The following PLS1 variants were observed in gnomAD, a reference collection of about 807,000 sequenced individuals.
PLS1 encodes plastin-1.
PLS1 carries 32 observed loss-of-function variants against 73.7 expected under a neutral mutation model. The ratio of observed to expected loss-of-function variants is 0.43; its 90% confidence interval spans 0.33 to 0.58. The LOEUF (loss-of-function observed/expected upper bound fraction) is 0.58. PLS1 is among the 20% of genes least tolerant of loss of function. The pLI is 0.04. For synonymous variants in PLS1, 217 were observed against 261.3 expected (o/e 0.83, Z 1.63); for missense variants, 633 against 740.5 (o/e 0.85, Z 1.68).
In PLS1 at chr3:142,689,552, A is replaced by G. The variant is rs1577896276; in HGVS notation, c.982-66A>G. On this transcript the variant is annotated intron_variant, in intron 9 of 15. Coordinates refer to ENST00000457734, the MANE Select transcript of PLS1 (RefSeq NM_001145319.2). ...TGTGGAAAAGTAATTGCTTATAAAC[A>G]TGTATACCAATAAAAATTATGCCAA... 4.6e-6 allele frequency: 4 copies of G among 867,098 alleles called. No individual in the cohort carries two copies. The South Asian group carries it at 7.0e-5, about 15-fold the overall frequency. The allele number at this position is 867,098 out of a possible 1,614,324, so 53.7% of individuals were successfully genotyped here.
At chr3:142,648,684 T>C (rs1450651951) in intron 1 of PLS1, among the ~76,000 whole-genome samples, 2 of 152,242 alleles carry the variant, frequency 1.3e-5, no homozygotes, top group Admixed American at 6.5e-5. Context: ...TTTGAGAAGC[T>C]GTACCTATGT....
rs894756052 is a variant in PLS1 at position 142,711,937 on chromosome 3, A to G, written c.1820A>G (p.Glu607Gly). 5.0e-6 allele frequency: 8 copies of G among 1,613,284 alleles called. No homozygotes were observed. Among genetic ancestry groups the G allele is most frequent in the Non-Finnish European group, 6.8e-6 (8 of 1,179,366 alleles). The change falls in exon 16 of 16, where the codon GAA (glutamate) becomes GGA (glycine). Residue 607 changes from glutamate (E) to glycine (G), a missense_variant. By Grantham distance (98) the Glu-to-Gly change is moderately conservative. Coordinates refer to ENST00000457734, the MANE Select transcript of PLS1 (RefSeq NM_001145319.2). ...TATGCATTACCTGATGACCTCGTAG[A>G]AGTGAAACCAAAGATGGTTATGACG... Reference protein sequence around the residue: ...RIYALPDDLVEVKPKMVMTVF... With the variant: ...RIYALPDDLVGVKPKMVMTVF...
At chr3:142,698,256 C>T (rs2038253029) in intron 12 of PLS1, 189 bp downstream of exon 12, 1 of 466,068 alleles carries the variant, frequency 2.1e-6, no homozygotes, top group East Asian at 3.6e-5. Flanking sequence ...TCTAGTCAGA[C>T]ACTTTATATA....
chr3:142,633,750 G>A lies in PLS1; in HGVS notation c.-36-30452G>A, dbSNP rs559400651. Among the ~76,000 whole-genome samples the A allele has an allele frequency of 4.6e-5, 7 of 152,212 alleles. No individual in the cohort carries two copies. In the South Asian group the frequency reaches 1.5e-3, roughly 32 times the overall value. ...TTTACCACAATAAAAAAAGTTATAG[G>A]AATATAAAACTGTTACCCAACAAAG... On this transcript the variant is annotated intron_variant, in intron 1 of 15. Transcript: ENST00000457734.
intron 1 of PLS1, among the ~76,000 whole-genome samples, chr3:142,607,201 A>G (rs1426884484): frequency 3.9e-5 from 6 of 152,242 alleles, no homozygotes; most frequent in Non-Finnish European, 8.8e-5. Flanking sequence ...GAACTGTTTC[A>G]AATTTACAAA....
intron 6 of PLS1, among the ~76,000 whole-genome samples, chr3:142,680,698 A>C (rs1035757374): frequency 2.0e-5 from 3 of 152,282 alleles, no homozygotes; most frequent in East Asian, 3.9e-4. Context: ...CAATGAGTGG[A>C]TATTAATATT....
intron 6 of PLS1, among the ~76,000 whole-genome samples, chr3:142,680,489 A>T (rs1156723464): frequency 2.0e-5 from 3 of 152,232 alleles, no homozygotes; most frequent in Non-Finnish European, 2.9e-5. Flanking sequence ...TAATTGTTGA[A>T]TTATTTATTA....
At chr3:142,662,024 G>A (rs1450228463) in intron 1 of PLS1, among the ~76,000 whole-genome samples, 2 of 152,140 alleles carry the variant, frequency 1.3e-5, no homozygotes. Flanking sequence ...TAAGGATCTA[G>A]AACCAGAAAT....
In PLS1 at chr3:142,600,916, A is replaced by ATTTTTTTTTT. The variant is rs1170933037; in HGVS notation, c.-37+4423_-37+4432dup. Among the ~76,000 whole-genome samples the ATTTTTTTTTT allele has an allele frequency of 1.3e-3, 19 of 14,838 alleles. 4 individuals are homozygous for ATTTTTTTTTT. The highest frequency in any genetic ancestry group is 2.9e-3 in the East Asian group (1 of 350). The allele number at this position is 14,838 out of a possible 152,430, so 9.7% of individuals were successfully genotyped here. A position where few individuals can be genotyped will look rare whatever the true frequency, so the allele number is the denominator to read the frequency against. ...TATATATATATATATATATATATAT[A>ATTTTTTTTTT]TTTTTTTTTTTTTTTTTTTTTTTTT... On this transcript the variant is annotated intron_variant, in intron 1 of 15. Transcript: ENST00000457734.
At chr3:142,698,566 G>C (rs1301607807) in intron 12 of PLS1, 1 of 152,086 alleles carries the variant, frequency 6.6e-6, no homozygotes, top group African/African-American at 2.4e-5. Context: ...GAGTTCTAGG[G>C]AAGAAAGTTG....
intron 9 of PLS1, 121 bp downstream of exon 9, chr3:142,686,497 C>G: frequency 1.5e-6 from 1 of 674,492 alleles, no homozygotes; most frequent in Non-Finnish European, 2.7e-6. Context: ...TGTTGTGCAG[C>G]TATCACCATT....
intron 4 of PLS1, among the ~76,000 whole-genome samples, chr3:142,674,731 G>C (rs2037683642): frequency 6.6e-6 from 1 of 151,878 alleles, no homozygotes; most frequent in Non-Finnish European, 1.5e-5. Context: ...TTTTTTCTTC[G>C]TTTTTTGTTT....
chr3:142,650,087 G>C (rs1341725447), intron 1 of PLS1, among the ~76,000 whole-genome samples: 1 of 150,892 alleles, frequency 6.6e-6, no homozygotes, highest in African/African-American at 2.4e-5. Flanking sequence ...ATTGTTTTGA[G>C]TAACCACCAA....
chr3:142,657,890 AAGT>A (rs1283528156), intron 1 of PLS1, among the ~76,000 whole-genome samples: 1 of 152,182 alleles, frequency 6.6e-6, no homozygotes, highest in Non-Finnish European at 1.5e-5. Context: ...CTCAAGATTG[AAGT>A]AGTTAAGTTT....
At chr3:142,680,133 A>G (rs1294740265) in intron 6 of PLS1, among the ~76,000 whole-genome samples, 1 of 152,216 alleles carries the variant, frequency 6.6e-6, no homozygotes, top group Non-Finnish European at 1.5e-5. Flanking sequence ...CACCCAATAT[A>G]GATCACTGTA....
intron 2 of PLS1, 69 bp from the exon 3 acceptor site, chr3:142,669,321 C>T: frequency 1.1e-6 from 1 of 892,060 alleles, no homozygotes; most frequent in Non-Finnish European, 1.7e-6. Flanking sequence ...ATGAATCCTC[C>T]CAAAAGGCAT....
chr3:142,642,865 A>C (rs973205486), intron 1 of PLS1, among the ~76,000 whole-genome samples: 3 of 152,050 alleles, frequency 2.0e-5, no homozygotes, highest in Non-Finnish European at 4.4e-5. Context: ...TAATTTTAGT[A>C]TTTTTTGTAG....
chr3:142,686,469 C>T (rs1292271707), intron 9 of PLS1, 93 bp downstream of exon 9: 3 of 765,814 alleles, frequency 3.9e-6, no homozygotes, highest in Admixed American at 3.6e-5. Context: ...AGTTCAGTGG[C>T]ATTCAGTACA....
Position 142,638,654 on chromosome 3 carries a change from T to G in PLS1, c.-36-25548T>G, listed in dbSNP as rs192842553. The stretch of plus-strand genomic sequence containing the variant: ...TTGTATTATATTTGATTTATAACTC[T>G]GTAACAAGGATGAATTCCCAGGCCT... On this transcript the variant is annotated intron_variant, in intron 1 of 15. Transcript: ENST00000457734. 5.3e-5 allele frequency among the ~76,000 whole-genome samples: 8 copies of G among 152,370 alleles called. No homozygotes were observed. In the East Asian group the frequency reaches 1.5e-3, roughly 29 times the overall value.
Sources: gnomAD v4.1 joint callset for allele counts (sites outside exome capture counted in the v4.1 genomes callset) on GRCh38, gnomAD v4.1.1 for gene constraint, MANE v1.5 for transcripts, NCBI Gene and HGNC (gene_info 2026-07-23, HGNC 2026-07-21) for gene names.